Variants in NSG2 observed in about 807,000 individuals in gnomAD.
The protein encoded by NSG2 is neuronal vesicle trafficking-associated protein 2.
A neutral mutation model predicts 16.9 loss-of-function variants in NSG2; 4 were observed. That is an observed-to-expected ratio of 0.24 (90% CI 0.12 to 0.54). NSG2 has a LOEUF of 0.54. Among genes scored for constraint, NSG2 ranks in the 20% least tolerant of loss-of-function variants. The pLI is 0.95. For missense variants in NSG2, 179 were observed against 221.1 expected, an observed-to-expected ratio of 0.81 and a Z score of 1.21; for synonymous variants, 98 against 88.7, an observed-to-expected ratio of 1.11 and a Z score of -0.59.
At chr5:174,052,892 C>A (rs145049855) in intron 2 of NSG2, among the ~76,000 whole-genome samples, 3 of 152,192 alleles carry the variant, frequency 2.0e-5, no homozygotes, top group Non-Finnish European at 4.4e-5. Context: ...GAACCATAAT[C>A]GGCAAGTCTG....
intron 3 of NSG2, among the ~76,000 whole-genome samples, chr5:174,096,744 TGTGTCA>T (rs998865389): frequency 1.3e-5 from 2 of 151,890 alleles, no homozygotes. Context: ...ATAAATAAGC[TGTGTCA>T]GAGGCAGAAG....
chr5:174,090,245 AAG>A (rs1760700920), intron 3 of NSG2, among the ~76,000 whole-genome samples: 2 of 152,324 alleles, frequency 1.3e-5, no homozygotes, highest in Non-Finnish European at 2.9e-5. Context: ...AAAAGAAAAA[AAG>A]AGCATGAGGC....
rs530331949 is a variant in NSG2 at position 174,102,276 on chromosome 5, A to G, written c.214-1952A>G. Reference sequence around the variant, plus strand: ...TTTAAAACTGCCAACAGACAACTCCATATTTTTGGAGCAATGTAAACTCCT... The same window carrying G: ...TTTAAAACTGCCAACAGACAACTCCGTATTTTTGGAGCAATGTAAACTCCT... On this transcript the variant is annotated intron_variant, in intron 3 of 4. Transcript: ENST00000303177. Among the ~76,000 whole-genome samples the G allele has an allele frequency of 9.9e-5, 15 of 152,238 alleles. No homozygotes were observed. The South Asian group carries it at 3.1e-3, about 32-fold the overall frequency.
intron 3 of NSG2, among the ~76,000 whole-genome samples, chr5:174,077,344 C>T (rs1211839018): frequency 2.6e-5 from 4 of 152,098 alleles, no homozygotes; most frequent in Non-Finnish European, 4.4e-5. Flanking sequence ...CAATCACTTC[C>T]TTTCCCTGCT....
Position 174,096,633 on chromosome 5 carries a change from C to A in NSG2, c.214-7595C>A, listed in dbSNP as rs553865242. ...GGAGAGTCTAGGGCGGACTGGAAGCCTAGAGGCTGGAGGCCCAGGAGCAGT... is the reference window on the plus strand; with the variant it reads ...GGAGAGTCTAGGGCGGACTGGAAGCATAGAGGCTGGAGGCCCAGGAGCAGT... On this transcript the variant is annotated intron_variant, in intron 3 of 4. Transcript: ENST00000303177. Among the ~76,000 whole-genome samples the A allele has an allele frequency of 1.2e-4, 19 of 152,206 alleles. No homozygotes were observed. In the East Asian group the frequency reaches 3.1e-3, roughly 25 times the overall value.
At chr5:174,075,482 T>C (rs1182913493) in intron 3 of NSG2, among the ~76,000 whole-genome samples, 1 of 152,250 alleles carries the variant, frequency 6.6e-6, no homozygotes, top group East Asian at 1.9e-4. Flanking sequence ...ATCCCTGTTA[T>C]TTGCCGAGTG....
rs151208746 is a variant in NSG2, at chr5:174,054,123, G to A, written c.129+7239G>A. The stretch of plus-strand genomic sequence containing the variant: ...ATGAGGCTGATCTGCATGCGCCAGC[G>A]TGGAAAGCTATAACAGACACACTGC... On this transcript the variant is annotated intron_variant, in intron 2 of 4. Transcript: ENST00000303177. Among the ~76,000 whole-genome samples, 12 of 152,362 alleles carry A rather than the reference G, an allele frequency of 7.9e-5. No homozygotes were observed. In the East Asian group the frequency reaches 1.5e-3, roughly 20 times the overall value.
At chr5:174,048,393 C>T (rs1468379713) in intron 2 of NSG2, among the ~76,000 whole-genome samples, 16 of 152,056 alleles carry the variant, frequency 1.1e-4, no homozygotes, top group Non-Finnish European at 2.1e-4. Flanking sequence ...AGTTGAGGAC[C>T]ATTGTTTTAG....
Position 174,099,426 on chromosome 5 carries a change from C to T in NSG2, c.214-4802C>T, listed in dbSNP as rs939800490. On this transcript the variant is annotated intron_variant, in intron 3 of 4. Coordinates refer to ENST00000303177, the MANE Select transcript of NSG2 (RefSeq NM_015980.5). ...CTGGCCTCAGCACCTGGGACACGCC[C>T]TACTACATCAGCCTTCCCACTGGCC... Among the ~76,000 whole-genome samples, 3 of 152,170 alleles carry T rather than the reference C, an allele frequency of 2.0e-5. No homozygotes were observed. In the South Asian group the frequency reaches 6.2e-4, roughly 32 times the overall value.
chr5:174,094,874 C>T (rs1167745408), intron 3 of NSG2, among the ~76,000 whole-genome samples: 1 of 152,164 alleles, frequency 6.6e-6, no homozygotes. Flanking sequence ...AATGAATTAG[C>T]CTCTCCCCTA....
At chr5:174,061,843 T>C (rs934096809) in intron 2 of NSG2, among the ~76,000 whole-genome samples, 11 of 150,726 alleles carry the variant, frequency 7.3e-5, no homozygotes, top group African/African-American at 2.7e-4. Flanking sequence ...GACCCCATGA[T>C]CCACCCGCCT....
intron 3 of NSG2, among the ~76,000 whole-genome samples, chr5:174,078,956 C>T (rs1177473909): frequency 6.6e-6 from 1 of 152,210 alleles, no homozygotes; most frequent in Non-Finnish European, 1.5e-5. Flanking sequence ...CACACACACA[C>T]ATGCACACGC....
intron 2 of NSG2, among the ~76,000 whole-genome samples, chr5:174,055,619 TAAAAA>T (rs1759957137): frequency 6.6e-6 from 1 of 151,714 alleles, no homozygotes. Flanking sequence ...AAAATAAAAA[TAAAAA>T]AGTAAGTGGG....
chr5:174,045,760 G>C lies in NSG2; in HGVS notation c.-106G>C, dbSNP rs1179752306. 1 of 152,372 alleles carries C rather than the reference G, an allele frequency of 6.6e-6. No individual in the cohort carries two copies. The highest frequency in any genetic ancestry group is 2.4e-5 in the African/African-American group (1 of 41,442). 9.4% of individuals were successfully genotyped at this position (152,372 alleles called of 1,614,324 possible). On this transcript the variant is annotated 5_prime_UTR_variant, in exon 1 of 5. Transcript: ENST00000303177. ...GCTGTCCTTTCAGCACCACAAGCTC[G>C]GGCTGAGGAGGGAGGACTCCTGGCC...
intron 3 of NSG2, among the ~76,000 whole-genome samples, chr5:174,073,539 A>T (rs1379254690): frequency 1.3e-5 from 2 of 152,194 alleles, no homozygotes; most frequent in Non-Finnish European, 2.9e-5. Context: ...TGAAAATCAG[A>T]CTGAAGATGC....
intron 3 of NSG2, among the ~76,000 whole-genome samples, chr5:174,069,618 A>G (rs1370434660): frequency 6.6e-6 from 1 of 152,102 alleles, no homozygotes; most frequent in African/African-American, 2.4e-5. Context: ...TTAATAAATT[A>G]TCATTTTCTT....
At chr5:174,084,930 G>C (rs971589446) in intron 3 of NSG2, among the ~76,000 whole-genome samples, 3 of 152,174 alleles carry the variant, frequency 2.0e-5, no homozygotes, top group Non-Finnish European at 2.9e-5. Context: ...TCTTGTCTTT[G>C]TACAGTCAGA....
chr5:174,051,894 C>T (rs1012495726), intron 2 of NSG2, among the ~76,000 whole-genome samples: 11 of 152,252 alleles, frequency 7.2e-5, no homozygotes, highest in Admixed American at 4.6e-4. Flanking sequence ...GGTGGAGGAA[C>T]GATCAGGGGG....
At position 174,046,774 on chromosome 5, in the gene NSG2, A is replaced by C; in HGVS notation, c.19A>C (p.Asn7His). ...CGTAAGGATGGTGAAGCTGAACAGTAACCCCAGCGAGAAGGGAACCAAGCC... is the reference window on the plus strand; with the variant it reads ...CGTAAGGATGGTGAAGCTGAACAGTCACCCCAGCGAGAAGGGAACCAAGCC... MVKLNSNPSEKGTKPPS... is the reference protein window; with the variant it reads MVKLNSHPSEKGTKPPS... Residue 7 changes from asparagine (N) to histidine (H), a missense_variant, in exon 2 of 5, where the codon AAC becomes CAC. Coordinates refer to ENST00000303177, the MANE Select transcript of NSG2 (RefSeq NM_015980.5). The C allele has an allele frequency of 6.2e-7, 1 of 1,614,162 alleles. No individual in the cohort carries two copies. Among genetic ancestry groups the C allele is most frequent in the South Asian group, 1.1e-5 (1 of 91,070 alleles).
Sources: gnomAD v4.1 joint callset for allele counts (sites outside exome capture counted in the v4.1 genomes callset) on GRCh38, gnomAD v4.1.1 for gene constraint, MANE v1.5 for transcripts, NCBI Gene and HGNC (gene_info 2026-07-23, HGNC 2026-07-21) for gene names.